Variants in PCDHA10 observed in about 807,000 individuals in gnomAD.
PCDHA10 encodes the protein protocadherin alpha 10, also known as protocadherin alpha-10.
PCDHA10 carries 45 observed loss-of-function variants against 61.2 expected under a neutral mutation model. The observed-to-expected ratio is 0.74, with a 90% CI of 0.58 to 0.94. The LOEUF is 0.94. Among genes scored for constraint, PCDHA10 ranks in the 40% least tolerant of loss-of-function variants. PCDHA10 has a pLI of 0.00. For missense variants in PCDHA10, 1,278 were observed against 1,236.2 expected, an observed-to-expected ratio of 1.03 and a Z score of -0.51; for synonymous variants, 602 against 548.8, an observed-to-expected ratio of 1.10 and a Z score of -1.35.
chr5:140,912,497 T>A (rs2075943539), intron 1 of PCDHA10, among the ~76,000 whole-genome samples: 1 of 152,174 alleles, frequency 6.6e-6, no homozygotes. Context: ...ATCTAGGAGC[T>A]TTTTGGATGA....
intron 1 of PCDHA10, among the ~76,000 whole-genome samples, chr5:140,892,991 A>G (rs1477087965): frequency 1.3e-5 from 2 of 152,196 alleles, no homozygotes; most frequent in African/African-American, 2.4e-5. Context: ...TATAAGTGAG[A>G]ACATGTATTT....
intron 3 of PCDHA10, among the ~76,000 whole-genome samples, chr5:141,008,087 A>G (rs1033572346): frequency 7.2e-5 from 11 of 152,172 alleles, no homozygotes; most frequent in African/African-American, 2.7e-4. Flanking sequence ...GTTATTCTAC[A>G]TGACAAAGAA....
chr5:140,876,127 A>G lies in PCDHA10; in HGVS notation c.2388+17691A>G, dbSNP rs782626047. 2.5e-6 allele frequency: 4 copies of G among 1,613,984 alleles called. No homozygotes were observed. The South Asian group carries it at 3.3e-5, about 13-fold the overall frequency. ...ATTGCTGATGGTAATCGATGGCGGTAAACCAGAACTAACAGGGTCTGTCCA... is the reference window on the plus strand; with the variant it reads ...ATTGCTGATGGTAATCGATGGCGGTGAACCAGAACTAACAGGGTCTGTCCA... On this transcript the variant is annotated intron_variant, in intron 1 of 3. Coordinates refer to ENST00000307360, the MANE Select transcript of PCDHA10 (RefSeq NM_018901.4).
intron 1 of PCDHA10, chr5:140,868,276 C>T (rs2050375719): frequency 6.6e-6 from 1 of 151,768 alleles, no homozygotes; most frequent in African/African-American, 2.4e-5. Flanking sequence ...TTTAAAACTA[C>T]CAAGTTTGAG....
At chr5:140,937,067 T>C (rs2091302961) in intron 1 of PCDHA10, among the ~76,000 whole-genome samples, 1 of 148,650 alleles carries the variant, frequency 6.7e-6, no homozygotes, top group South Asian at 2.1e-4. Flanking sequence ...AGACGGAGTC[T>C]CGCTCTGTCG....
At chr5:140,927,748 G>T (rs782605586) in intron 1 of PCDHA10, 3 of 1,614,206 alleles carry the variant, frequency 1.9e-6, no homozygotes, top group Admixed American at 1.7e-5. Flanking sequence ...CCGCTTTCAC[G>T]TGCACCCTAA....
intron 1 of PCDHA10, chr5:140,926,774 A>G: frequency 7.2e-7 from 1 of 1,380,760 alleles, no homozygotes; most frequent in Non-Finnish European, 9.4e-7. Flanking sequence ...AGCCCGCAGC[A>G]GTGACGGCCG....
rs377081112 is a variant in PCDHA10 at position 140,871,063 on chromosome 5, G to C, written c.2388+12627G>C. On this transcript the variant is annotated intron_variant, in intron 1 of 3. Coordinates refer to ENST00000307360, the MANE Select transcript of PCDHA10 (RefSeq NM_018901.4). ...ACTTCTAGTACTGGTGAAGGATCAC[G>C]GTGAGCCGGCGCTGACGGCCACGGC... The C allele has an allele frequency of 2.7e-5, 43 of 1,613,154 alleles. 1 individual carries two copies. The South Asian group carries it at 4.5e-4, about 17-fold the overall frequency.
chr5:140,856,271 G>A lies in PCDHA10; in HGVS notation c.223G>A (p.Glu75Lys), dbSNP rs782472888. 1 of 1,598,148 alleles carries A rather than the reference G, an allele frequency of 6.3e-7. No individual in the cohort carries two copies. The highest frequency in any genetic ancestry group is 1.7e-5 in the Admixed American group (1 of 59,252). ...VASKRHGDLL[E>K]VNLQNGILFV... ...GTCCAAAAGACACGGGGACCTTCTG[G>A]AGGTAAATCTGCAGAATGGCATTTT... Residue 75 changes from glutamate to lysine, a missense_variant, in exon 1 of 4, where the codon GAG becomes AAG. Physicochemically the swap from Glu to Lys is moderately conservative, Grantham distance 56. Transcript: ENST00000307360.
chr5:140,988,535 A>T (rs1426235004), intron 3 of PCDHA10, among the ~76,000 whole-genome samples: 2 of 152,164 alleles, frequency 1.3e-5, no homozygotes, highest in Non-Finnish European at 2.9e-5. Flanking sequence ...GGCTCCATCC[A>T]TTCATGACTT....
At chr5:140,938,752 A>G (rs1213369856) in intron 1 of PCDHA10, among the ~76,000 whole-genome samples, 1 of 152,146 alleles carries the variant, frequency 6.6e-6, no homozygotes, top group Non-Finnish European at 1.5e-5. Flanking sequence ...TTTTAAAGGC[A>G]TAGTTATTGG....
chr5:140,918,929 A>G (rs2078930762), intron 1 of PCDHA10, among the ~76,000 whole-genome samples: 1 of 152,226 alleles, frequency 6.6e-6, no homozygotes, highest in Non-Finnish European at 1.5e-5. Context: ...AGCATATGGC[A>G]TTTTGTTATA....
intron 1 of PCDHA10, among the ~76,000 whole-genome samples, chr5:140,904,906 G>C (rs2071460962): frequency 6.6e-6 from 1 of 152,026 alleles, no homozygotes; most frequent in African/African-American, 2.4e-5. Context: ...TTTTCTTACT[G>C]ATTTGTTTGA....
At chr5:140,870,338 T>C in intron 1 of PCDHA10, 1 of 1,614,186 alleles carries the variant, frequency 6.2e-7, no homozygotes, top group Non-Finnish European at 8.5e-7. Context: ...GACAGCGCCC[T>C]GGACCGCGAG....
At chr5:140,876,135 A>T (rs782217370) in intron 1 of PCDHA10, 2 of 1,613,954 alleles carry the variant, frequency 1.2e-6, no homozygotes, top group Admixed American at 3.3e-5. Context: ...GTAAACCAGA[A>T]CTAACAGGGT....
At chr5:141,006,978 T>C (rs2098297277) in intron 3 of PCDHA10, among the ~76,000 whole-genome samples, 1 of 152,090 alleles carries the variant, frequency 6.6e-6, no homozygotes, top group African/African-American at 2.4e-5. Context: ...CACAGAGAGA[T>C]GTGGGCTTAA....
chr5:140,875,738 G>A (rs1197047985), intron 1 of PCDHA10: 2 of 1,614,204 alleles, frequency 1.2e-6, no homozygotes, highest in Non-Finnish European at 1.7e-6. Context: ...GTGAATTCTC[G>A]GATCGACCGC....
At chr5:141,000,419 ATATTTTTT>A (rs1194100555) in intron 3 of PCDHA10, among the ~76,000 whole-genome samples, 4 of 60,996 alleles carry the variant, frequency 6.6e-5, no homozygotes, top group African/African-American at 2.3e-4. Flanking sequence ...ATATATATAT[ATATTTTTT>A]TTTTTTTTTT....
chr5:140,926,651 C>T, intron 1 of PCDHA10: 1 of 496,446 alleles, frequency 2.0e-6, no homozygotes, highest in Non-Finnish European at 3.3e-6. Context: ...CCGGCCGGCT[C>T]CGCTTTCCCA....
Sources: allele counts gnomAD v4.1 joint callset (sites outside exome capture counted in the v4.1 genomes callset), GRCh38; gene constraint gnomAD v4.1.1; transcripts MANE v1.5; gene names NCBI Gene and HGNC (gene_info 2026-07-23, HGNC 2026-07-21).